Variants in SORCS2 observed in about 807,000 individuals in gnomAD.
SORCS2 encodes sortilin related VPS10 domain containing receptor 2, also known as VPS10 domain-containing receptor SorCS2.
SORCS2 carries 100 observed loss-of-function variants against 141.6 expected under a neutral mutation model. The ratio of observed to expected loss-of-function variants is 0.71; its 90% CI spans 0.60 to 0.83. SORCS2 has a LOEUF of 0.83. Ranked by LOEUF, SORCS2 falls within the 40% of genes least tolerant of loss-of-function variation. The probability of loss-of-function intolerance (pLI) is 0.00; values close to 1 mark genes in which losing one functional copy is unlikely to be tolerated. For missense variants in SORCS2, 1,646 were observed against 1,560.2 expected (o/e 1.05, Z -0.93); for synonymous variants, 789 against 676.9 (o/e 1.17, Z -2.57).
intron 1 of SORCS2, among the ~76,000 whole-genome samples, chr4:7,215,322 C>A (rs149723166): frequency 6.6e-6 from 1 of 152,020 alleles, no homozygotes; most frequent in African/African-American, 2.4e-5. Flanking sequence ...GCCAGCCTAC[C>A]GGCGCTGCGC....
At chr4:7,388,525 C>A (rs1356718827) in intron 1 of SORCS2, among the ~76,000 whole-genome samples, 1 of 152,148 alleles carries the variant, frequency 6.6e-6, no homozygotes, top group African/African-American at 2.4e-5. Context: ...GTTGAAATCT[C>A]CCAGTCTCCC....
At chr4:7,565,138 A>T (rs572765327) in intron 3 of SORCS2, among the ~76,000 whole-genome samples, 1 of 152,188 alleles carries the variant, frequency 6.6e-6, no homozygotes, top group Non-Finnish European at 1.5e-5. Context: ...CCACTCGCTC[A>T]GGCTGCGTTT....
intron 1 of SORCS2, among the ~76,000 whole-genome samples, chr4:7,287,622 T>C (rs1716316485): frequency 6.6e-6 from 1 of 152,226 alleles, no homozygotes; most frequent in Non-Finnish European, 1.5e-5. Context: ...TTTTACAAGT[T>C]TAGAGTTCAG....
intron 3 of SORCS2, among the ~76,000 whole-genome samples, chr4:7,535,226 A>G (rs1373771511): frequency 6.6e-6 from 1 of 152,244 alleles, no homozygotes; most frequent in Non-Finnish European, 1.5e-5. Context: ...TGGAGGCACC[A>G]GGAGGCCCAC....
intron 2 of SORCS2, among the ~76,000 whole-genome samples, chr4:7,444,710 G>A (rs1232984904): frequency 6.6e-6 from 1 of 152,242 alleles, no homozygotes; most frequent in Admixed American, 6.5e-5. Context: ...TGGGGCCAGG[G>A]TGGAAGCAGG....
chr4:7,277,598 G>T (rs1715586638), intron 1 of SORCS2, among the ~76,000 whole-genome samples: 1 of 152,182 alleles, frequency 6.6e-6, no homozygotes, highest in East Asian at 1.9e-4. Context: ...AAGTCAGGGG[G>T]AGAGATGATT....
chr4:7,636,821 C>T (rs1351366741), intron 3 of SORCS2, among the ~76,000 whole-genome samples: 2 of 152,194 alleles, frequency 1.3e-5, no homozygotes, highest in East Asian at 1.9e-4. Flanking sequence ...AGACCCACAA[C>T]CTGGGGAGCT....
chr4:7,414,238 A>G (rs1725516002), intron 2 of SORCS2, among the ~76,000 whole-genome samples: 1 of 152,242 alleles, frequency 6.6e-6, no homozygotes, highest in Non-Finnish European at 1.5e-5. Flanking sequence ...CAGAGGACCC[A>G]GGGTGGTAGC....
intron 21 of SORCS2, 105 bp downstream of exon 21, chr4:7,727,008 G>C (rs1459016514): frequency 2.9e-6 from 4 of 1,376,516 alleles, no homozygotes; most frequent in African/African-American, 2.9e-5. Flanking sequence ...TGGTCACCCT[G>C]AGTGGCCCTG....
intron 4 of SORCS2, among the ~76,000 whole-genome samples, chr4:7,640,050 TGTGA>T (rs61728676): frequency 0.31 from 46,255 of 149,862 alleles, 8,692 homozygotes; most frequent in East Asian, 0.9. Context: ...TGTGTGAGAG[TGTGA>T]GTGTGTGTGT....
chr4:7,494,676 C>T (rs1731506950), intron 2 of SORCS2, among the ~76,000 whole-genome samples: 1 of 152,238 alleles, frequency 6.6e-6, no homozygotes, highest in Non-Finnish European at 1.5e-5. Flanking sequence ...CATGTGCATT[C>T]TGGGAGGCTA....
chr4:7,395,235 A>G (rs1465547112), intron 1 of SORCS2, among the ~76,000 whole-genome samples: 1 of 152,234 alleles, frequency 6.6e-6, no homozygotes, highest in Admixed American at 6.5e-5. Flanking sequence ...CCCAGCTGCC[A>G]TCTGTGGAAA....
At chr4:7,654,107 C>T (rs1261467584) in intron 4 of SORCS2, 27 bp from the exon 5 acceptor site, 1 of 1,555,016 alleles carries the variant, frequency 6.4e-7, no homozygotes, top group Non-Finnish European at 8.7e-7. Flanking sequence ...CCTGACCAAG[C>T]TTTTGTTTCT....
At chr4:7,196,580 T>C (rs772377355) in intron 1 of SORCS2, among the ~76,000 whole-genome samples, 3 of 152,020 alleles carry the variant, frequency 2.0e-5, no homozygotes, top group Non-Finnish European at 4.4e-5. Context: ...TCTGTCATTG[T>C]TCCCCGAGAA....
chr4:7,652,049 C>T (rs1721480695), intron 4 of SORCS2, among the ~76,000 whole-genome samples: 1 of 152,186 alleles, frequency 6.6e-6, no homozygotes, highest in South Asian at 2.1e-4. Flanking sequence ...GCACCCATAA[C>T]CAGTTTCTCA....
At chr4:7,660,612 T>C (rs1722096989) in intron 5 of SORCS2, among the ~76,000 whole-genome samples, 1 of 152,130 alleles carries the variant, frequency 6.6e-6, no homozygotes, top group Admixed American at 6.5e-5. Context: ...AGCATGCATT[T>C]TGGGATCCAG....
rs183157060 is a variant in SORCS2 at position 7,200,180 on chromosome 4, G to T, written c.480+7054G>T. On this transcript the variant is annotated intron_variant, in intron 1 of 26. Transcript: ENST00000507866. ...GGCCACTGCAGGGACTTTCGGTTTG[G>T]GGTGGGAAGCGGGACCACCAGGGGC... is the stretch of plus-strand genomic sequence containing the variant. 1.8e-3 allele frequency among the ~76,000 whole-genome samples: 267 copies of T among 152,282 alleles called. 1 individual carries two copies. Among genetic ancestry groups the T allele is most frequent in the Non-Finnish European group, 3.0e-3 (206 of 68,020 alleles).
At chr4:7,737,309 G>T in intron 26 of SORCS2, 137 bp downstream of exon 26, 1 of 1,267,276 alleles carries the variant, frequency 7.9e-7, no homozygotes, top group Non-Finnish European at 1.1e-6. Flanking sequence ...CCTTGCCAGC[G>T]GGTCGGTCGG....
At chr4:7,624,796 G>A (rs987430739) in intron 3 of SORCS2, among the ~76,000 whole-genome samples, 1 of 152,236 alleles carries the variant, frequency 6.6e-6, no homozygotes, top group African/African-American at 2.4e-5. Flanking sequence ...AGGCTTTTTA[G>A]CATTGTCTGC....
Sources: allele counts gnomAD v4.1 joint callset (sites outside exome capture counted in the v4.1 genomes callset), GRCh38; gene constraint gnomAD v4.1.1; transcripts MANE v1.5; gene names NCBI Gene and HGNC (gene_info 2026-07-23, HGNC 2026-07-21).